Variants in IL6R observed in about 807,000 individuals in gnomAD.
IL6R encodes the protein interleukin-6 receptor subunit alpha.
IL6R carries 38 observed loss-of-function variants against 48.3 expected under a neutral mutation model. The observed-to-expected ratio is 0.79, with a 90% confidence interval of 0.61 to 1.03. The LOEUF (loss-of-function observed/expected upper bound fraction) is 1.03. Ranked by LOEUF, IL6R falls within the 50% of genes least tolerant of loss-of-function variation. The pLI is 0.00. For missense variants in IL6R, 534 were observed against 618.3 expected (o/e 0.86, Z 1.45); for synonymous variants, 264 against 256.2 (o/e 1.03, Z -0.29).
At chr1:154,445,139 T>C (rs1433385389) in intron 6 of IL6R, 1 of 456,134 alleles carries the variant, frequency 2.2e-6, no homozygotes, top group Non-Finnish European at 4.4e-6. Flanking sequence ...GGTTTATTTA[T>C]TTGTTTCTAC....
In IL6R at chr1:154,465,749, A is replaced by G. The variant is rs1248587148; in HGVS notation, c.*369A>G. 1 of 232,418 alleles carries G rather than the reference A, an allele frequency of 4.3e-6. No individual in the cohort carries two copies. The highest frequency in any genetic ancestry group is 2.3e-5 in the African/African-American group (1 of 44,388). The allele number at this position is 232,418 out of a possible 1,614,324, so 14.4% of individuals were successfully genotyped here. ...AGCCCACCCCTCAACACCTCTGCAC[A>G]AGCTGCACCCTCAGGCAGGTGGGAT... On this transcript the variant is annotated 3_prime_UTR_variant, in exon 10 of 10. Coordinates refer to ENST00000368485, the MANE Select transcript of IL6R (RefSeq NM_000565.4).
At chr1:154,450,316 G>C (rs1034388051) in intron 8 of IL6R, among the ~76,000 whole-genome samples, 1 of 152,104 alleles carries the variant, frequency 6.6e-6, no homozygotes, top group African/African-American at 2.4e-5. Context: ...ACTAGAGACA[G>C]GGTTTCACTA....
intron 1 of IL6R, among the ~76,000 whole-genome samples, chr1:154,409,644 C>T (rs1487319655): frequency 6.6e-6 from 1 of 152,174 alleles, no homozygotes; most frequent in Non-Finnish European, 1.5e-5. Context: ...CATTCATTCA[C>T]TCCAAAAATA....
At chr1:154,437,182 C>T (rs1003805255) in intron 6 of IL6R, among the ~76,000 whole-genome samples, 4 of 151,750 alleles carry the variant, frequency 2.6e-5, no homozygotes, top group Non-Finnish European at 5.9e-5. Flanking sequence ...CTGCAAGCTC[C>T]GCTTTCCAGG....
intron 1 of IL6R, among the ~76,000 whole-genome samples, chr1:154,427,047 T>C (rs1689018392): frequency 6.6e-6 from 1 of 152,198 alleles, no homozygotes; most frequent in East Asian, 1.9e-4. Context: ...GCCTCCCAAG[T>C]AGCTGGGATT....
intron 1 of IL6R, among the ~76,000 whole-genome samples, chr1:154,421,199 G>A (rs921437073): frequency 2.0e-5 from 3 of 152,176 alleles, no homozygotes; most frequent in African/African-American, 7.2e-5. Flanking sequence ...GGGGACAGTC[G>A]GTTTTTTCTC....
Position 154,405,479 on chromosome 1 carries a change from A to C in IL6R, c.-151A>C. On this transcript the variant is annotated 5_prime_UTR_variant, in exon 1 of 10. Coordinates refer to ENST00000368485, the MANE Select transcript of IL6R (RefSeq NM_000565.4). This position sits in a 1 kb window ranked among gnomAD's most constrained non-coding sequence, Gnocchi z 5.2. Reference sequence around the variant, plus strand: ...GCCGAGGGACTCGCAGTGTGTGTAGAGAGCCGGGCTCCTGCGGATGGGGGC... The same window carrying C: ...GCCGAGGGACTCGCAGTGTGTGTAGCGAGCCGGGCTCCTGCGGATGGGGGC... The C allele has an allele frequency of 1.5e-6, 1 of 661,594 alleles. No individual in the cohort carries two copies. Among genetic ancestry groups the C allele is most frequent in the Non-Finnish European group, 2.4e-6 (1 of 413,802 alleles). 41.0% of individuals were successfully genotyped at this position (661,594 alleles called of 1,614,324 possible).
Position 154,465,238 on chromosome 1 carries a change from C to T in IL6R, c.1265C>T (p.Pro422Leu), listed in dbSNP as rs1487411118. Residue 422 changes from proline to leucine, a missense_variant, in exon 10 of 10, where the codon CCA (proline) becomes CTA (leucine). Coordinates refer to ENST00000368485, the MANE Select transcript of IL6R (RefSeq NM_000565.4). ...GTCCCGGAGAGGCCTCGACCCACCC[C>T]AGTGCTTGTTCCTCTCATCTCCCCA... ...QLVPERPRPTPVLVPLISPPV... is the reference protein window; with the variant it reads ...QLVPERPRPTLVLVPLISPPV... 3 of 1,614,218 alleles carry T rather than the reference C, an allele frequency of 1.9e-6. No individual in the cohort carries two copies. The highest frequency in any genetic ancestry group is 4.5e-5 in the East Asian group (2 of 44,880).
rs115363006 is a variant in IL6R at position 154,411,261 on chromosome 1, G to A, written c.85+5547G>A. On this transcript the variant is annotated intron_variant, in intron 1 of 9. Coordinates refer to ENST00000368485, the MANE Select transcript of IL6R (RefSeq NM_000565.4). ...TTTAGTAGAGATGGGGTTTCACCAG[G>A]TTGCCAGTCTGGTCTCGAACTCCTG... Among the ~76,000 whole-genome samples, 1,238 of 152,160 alleles carry A rather than the reference G, an allele frequency of 8.1e-3. 23 individuals are homozygous for A. The highest frequency in any genetic ancestry group is 0.029 in the African/African-American group (1,185 of 41,514).
intron 8 of IL6R, 126 bp downstream of exon 8, chr1:154,450,106 G>C (rs1023535438): frequency 1.6e-4 from 52 of 327,782 alleles, no homozygotes; most frequent in Non-Finnish European, 2.2e-4. Flanking sequence ...GAAATGTTCT[G>C]TGTGTGTGTG....
intron 1 of IL6R, among the ~76,000 whole-genome samples, chr1:154,423,965 G>T (rs1400999361): frequency 6.6e-6 from 1 of 152,222 alleles, no homozygotes; most frequent in Admixed American, 6.5e-5. Flanking sequence ...CGCTAAACAT[G>T]GCAAGAGCTT....
chr1:154,433,707 A>G (rs1246016105), intron 3 of IL6R, among the ~76,000 whole-genome samples: 3 of 149,154 alleles, frequency 2.0e-5, no homozygotes, highest in African/African-American at 7.4e-5. Context: ...TAGTTTCCTC[A>G]TCTCTAGATT....
At chr1:154,427,496 G>A (rs1689044019) in intron 1 of IL6R, among the ~76,000 whole-genome samples, 1 of 152,226 alleles carries the variant, frequency 6.6e-6, no homozygotes, top group African/African-American at 2.4e-5. Context: ...TTGGTGACCA[G>A]AGAAAACCTT....
intron 2 of IL6R, among the ~76,000 whole-genome samples, chr1:154,429,699 C>T (rs903651593): frequency 6.6e-6 from 1 of 152,026 alleles, no homozygotes; most frequent in Non-Finnish European, 1.5e-5. Context: ...GCCTGGGGCC[C>T]GGAGTCAGGC....
chr1:154,410,536 C>A (rs182292681), intron 1 of IL6R, among the ~76,000 whole-genome samples: 156 of 152,322 alleles, frequency 1.0e-3, no homozygotes, highest in African/African-American at 3.6e-3. Context: ...CAGGCGTGAG[C>A]CTTTGTGTCC....
intron 9 of IL6R, among the ~76,000 whole-genome samples, chr1:154,457,300 A>G (rs1399673639): frequency 8.1e-4 from 110 of 135,784 alleles, no homozygotes; most frequent in African/African-American, 3.0e-3. Context: ...TCCAGCCTGG[A>G]CAACAGAGCA....
At chr1:154,421,953 T>C (rs1688692569) in intron 1 of IL6R, among the ~76,000 whole-genome samples, 1 of 150,046 alleles carries the variant, frequency 6.7e-6, no homozygotes, top group Non-Finnish European at 1.5e-5. Context: ...ATTATTATTA[T>C]TATTATTTTG....
intron 5 of IL6R, among the ~76,000 whole-genome samples, chr1:154,435,602 G>A (rs969620218): frequency 1.3e-5 from 2 of 152,086 alleles, no homozygotes; most frequent in African/African-American, 2.4e-5. Context: ...TTGGATAAAT[G>A]TTTTAAGCTT....
At chr1:154,423,252 T>C (rs1018062116) in intron 1 of IL6R, among the ~76,000 whole-genome samples, 5 of 137,298 alleles carry the variant, frequency 3.6e-5, no homozygotes, top group Non-Finnish European at 6.2e-5. Flanking sequence ...ATGTAGCTTG[T>C]TTAATTAAAT....
Sources: allele counts gnomAD v4.1 joint callset (sites outside exome capture counted in the v4.1 genomes callset), GRCh38; gene constraint gnomAD v4.1.1; non-coding constraint Gnocchi (gnomAD v3.1); transcripts MANE v1.5; gene names NCBI Gene and HGNC (gene_info 2026-07-23, HGNC 2026-07-21).